Variants in BSG observed in about 807,000 individuals in gnomAD.
The protein encoded by BSG is basigin (Ok blood group).
In BSG, 37 loss-of-function variants were observed where a neutral mutation model predicts 43.1. The ratio of observed to expected loss-of-function variants is 0.86; its 90% CI spans 0.66 to 1.13. The LOEUF (loss-of-function observed/expected upper bound fraction) is 1.13. Ranked by LOEUF, BSG falls within the 50% of genes most tolerant of loss-of-function variation. The pLI is 0.00. For synonymous variants in BSG, 309 were observed against 238.7 expected (o/e 1.29, Z -2.72); for missense variants, 599 against 554.2 (o/e 1.08, Z -0.81).
intron 1 of BSG, among the ~76,000 whole-genome samples, chr19:576,588 C>T (rs539374722): frequency 6.6e-6 from 1 of 152,110 alleles, no homozygotes; most frequent in South Asian, 2.1e-4. Flanking sequence ...GGTGAAACCC[C>T]GTCTCTACTA....
At chr19:579,730 G>C (rs553131488) in intron 3 of BSG, 74 bp downstream of exon 3, 2 of 1,536,654 alleles carry the variant, frequency 1.3e-6, no homozygotes, top group Non-Finnish European at 1.7e-6. Flanking sequence ...CCTGTGGTCC[G>C]TGAGAACAAA....
In BSG at chr19:582,845, C is replaced by T. The variant is rs750682807; in HGVS notation, c.*101C>T. 35 of 546,364 alleles carry T rather than the reference C, an allele frequency of 6.4e-5. No homozygotes were observed. Among genetic ancestry groups the T allele is most frequent in the Non-Finnish European group, 9.7e-5 (30 of 309,042 alleles). The allele number at this position is 546,364 out of a possible 1,614,324, so 33.8% of individuals were successfully genotyped here. A position where few individuals can be genotyped will look rare whatever the true frequency, so the allele number is the denominator to read the frequency against. On this transcript the variant is annotated 3_prime_UTR_variant, in exon 9 of 9. Transcript: ENST00000333511. ...CCAAGTTCTCACCTCTTAAAGAAAA[C>T]CCACCCCGTAGATTCCCATCATACA...
In BSG at chr19:579,519, C is replaced by T. The variant is rs55713331; in HGVS notation, c.435C>T (p.Thr145=). The T allele has an allele frequency of 1.7e-3, 2,749 of 1,612,672 alleles. 67 individuals are homozygous for T. The South Asian group carries it at 0.028, about 16-fold the overall frequency. Reference sequence around the variant, plus strand: ...TTGCAGCCGGCACAGTCTTCACTACCGTAGAAGACCTTGGCTCCAAGATAC... The same window carrying T: ...TTGCAGCCGGCACAGTCTTCACTACTGTAGAAGACCTTGGCTCCAAGATAC... ...LVLEPGTVFT[T]VEDLGSKILL... The change falls in exon 3 of 9, where the codon ACC becomes ACT. Residue 145 remains threonine (T), a synonymous_variant. Coordinates refer to ENST00000333511, the MANE Select transcript of BSG (RefSeq NM_001728.4).
chr19:573,949 T>G (rs1981523720), intron 1 of BSG, among the ~76,000 whole-genome samples: 1 of 152,202 alleles, frequency 6.6e-6, no homozygotes, highest in African/African-American at 2.4e-5. Context: ...CCCCATTTGG[T>G]TCTGGGTTAA....
intron 3 of BSG, chr19:580,106 T>A (rs1229084772): frequency 4.2e-6 from 2 of 479,890 alleles, no homozygotes; most frequent in Non-Finnish European, 7.4e-6. Context: ...GGGAAGACGG[T>A]CACAGGGTGT....
At chr19:579,892 C>T in intron 3 of BSG, 2 of 602,160 alleles carry the variant, frequency 3.3e-6, no homozygotes, top group South Asian at 2.3e-5. Flanking sequence ...TTGCTCCTCA[C>T]TAGGTCCCGG....
chr19:578,969 A>G (rs1982027586), intron 2 of BSG: 1 of 453,678 alleles, frequency 2.2e-6, no homozygotes. Context: ...CGACCTCGAG[A>G]TCCACCCGCC....
rs773156168 is a variant in BSG at position 580,636 on chromosome 19, C to T, written c.656-10C>T. 1.9e-6 allele frequency: 3 copies of T among 1,612,614 alleles called. No individual in the cohort carries two copies. The highest frequency in any genetic ancestry group is 1.1e-5 in the South Asian group (1 of 91,086). On this transcript the variant is annotated splice_polypyrimidine_tract_variant and intron_variant, in intron 4 of 8. Transcript: ENST00000333511. ...CGGTTCCAGGCTCCTCTCTCTCACC[C>T]TCCTGTCAGGGCCTCCCAGAGTGAA...
In BSG at chr19:579,625, G is replaced by A; in HGVS notation, c.541G>A (p.Asp181Asn). ...GAAGGGGGGCGTGGTGCTGAAGGAG[G>A]ACGCGCTGCCCGGCCAGAAAACGGA... ...WLKGGVVLKE[D>N]ALPGQKTEFK... Residue 181 changes from aspartate to asparagine, a missense_variant, in exon 3 of 9, where the codon GAC becomes AAC. Asp to Asn is a conservative substitution (Grantham distance 23). Transcript: ENST00000333511. The A allele has an allele frequency of 6.2e-7, 1 of 1,611,964 alleles. No individual in the cohort carries two copies. Among genetic ancestry groups the A allele is most frequent in the Non-Finnish European group, 8.5e-7 (1 of 1,179,580 alleles).
At chr19:572,954 C>T (rs918564715) in intron 1 of BSG, among the ~76,000 whole-genome samples, 1 of 150,964 alleles carries the variant, frequency 6.6e-6, no homozygotes, top group Admixed American at 6.6e-5. Context: ...AGCCCGGCCT[C>T]TGTGTGTGGG....
chr19:572,670 G>T lies in BSG; in HGVS notation c.36G>T (p.Ala12=). 2.7e-6 allele frequency: 4 copies of T among 1,501,536 alleles called. No homozygotes were observed. Among genetic ancestry groups the T allele is most frequent in the Non-Finnish European group, 3.6e-6 (4 of 1,122,928 alleles). 93.0% of individuals were successfully genotyped at this position (1,501,536 alleles called of 1,614,324 possible). The change falls in exon 1 of 9, where the codon GCG becomes GCT. Residue 12 remains alanine, a synonymous_variant. Coordinates refer to ENST00000333511, the MANE Select transcript of BSG (RefSeq NM_001728.4). ...AAALFVLLGF[A]LLGTHGASGA... ...CGCTGTTCGTGCTGCTGGGATTCGCGCTGCTGGGCACCCACGGAGCCTCCG... is the reference window on the plus strand; with the variant it reads ...CGCTGTTCGTGCTGCTGGGATTCGCTCTGCTGGGCACCCACGGAGCCTCCG...
At chr19:582,474 T>A (rs1982411776) in intron 7 of BSG, 40 bp from the exon 8 acceptor site, 1 of 1,603,432 alleles carries the variant, frequency 6.2e-7, no homozygotes. Context: ...AGAGAGTGAC[T>A]TGCGGGGGAC....
intron 1 of BSG, 90 bp from the exon 2 acceptor site, chr19:577,684 C>T (rs768398363): frequency 3.1e-5 from 35 of 1,124,996 alleles, no homozygotes; most frequent in Non-Finnish European, 3.6e-5. Context: ...CCAGCCCTGG[C>T]TGGGAGTCCT....
chr19:578,114 C>A lies in BSG; in HGVS notation c.408C>A (p.Val136=). 1 of 1,569,816 alleles carries A rather than the reference C, an allele frequency of 6.4e-7. No individual in the cohort carries two copies. The highest frequency in any genetic ancestry group is 8.7e-7 in the Non-Finnish European group (1 of 1,153,522). ...KWVRAQAVVL[V]LEPGTVFTTV... is the part of the protein sequence containing the mutation. ...TCCGCGCCCAGGCAGTCGTGCTAGTCCTGGAACGTGAGTGGCGGGCACCTC... is the reference window on the plus strand; with the variant it reads ...TCCGCGCCCAGGCAGTCGTGCTAGTACTGGAACGTGAGTGGCGGGCACCTC... The change falls in exon 2 of 9, where the codon GTC becomes GTA. Residue 136 remains valine (V), a synonymous_variant. Coordinates refer to ENST00000333511, the MANE Select transcript of BSG (RefSeq NM_001728.4).
chr19:580,395 C>T lies in BSG; in HGVS notation c.589C>T (p.Gln197Ter), dbSNP rs1261713674. The T allele has an allele frequency of 6.2e-7, 1 of 1,611,068 alleles. No individual in the cohort carries two copies. The highest frequency in any genetic ancestry group is 1.3e-5 in the African/African-American group (1 of 74,916). Reference protein sequence around the residue: ...KTEFKVDSDDQWGEYSCVFLP... With the variant: ...KTEFKVDSDD ...TGGTTGCAGGGTGGACTCCGACGAC[C>T]AGTGGGGAGAGTACTCCTGCGTCTT... The change falls in exon 4 of 9, where the codon CAG (glutamine) becomes TAG (stop). Residue 197 changes from glutamine to a stop codon, truncating the protein, a stop_gained. Coordinates refer to ENST00000333511, the MANE Select transcript of BSG (RefSeq NM_001728.4). LOFTEE classifies it high-confidence loss of function.
chr19:580,229 C>T (rs1161823476), intron 3 of BSG, 150 bp from the exon 4 acceptor site: 9 of 668,860 alleles, frequency 1.3e-5, no homozygotes, highest in South Asian at 5.6e-5. Context: ...TGGGGCCGCA[C>T]GGGGACCCCA....
intron 2 of BSG, 34 bp downstream of exon 2, chr19:578,155 C>G (rs1568350473): frequency 1.7e-5 from 25 of 1,493,882 alleles, no homozygotes; most frequent in Non-Finnish European, 2.2e-5. Context: ...CCGCCTCCCT[C>G]AGTTTCCCTC....
upstream of BSG, chr19:571,304 C>G (rs553928867): frequency 2.4e-5 from 14 of 586,684 alleles, no homozygotes; most frequent in African/African-American, 1.5e-4. Context: ...ATTCCTGCCC[C>G]TTTCCAGTTA....
rs776568185 is a variant in BSG at position 579,706 on chromosome 19, CTTG to C, written c.572+51_572+53del. The C allele has an allele frequency of 4.5e-6, 7 of 1,561,258 alleles. No homozygotes were observed. The East Asian group carries it at 1.6e-4, about 35-fold the overall frequency. ...GCCACCTGCCCCTTCTCACGGCTCT[CTTG>C]CCGCCAGCGGCCTGTGGTCCGTGAG... On this transcript the variant is annotated intron_variant, in intron 3 of 8. Transcript: ENST00000333511.
Sources: gnomAD v4.1 joint callset for allele counts (sites outside exome capture counted in the v4.1 genomes callset) on GRCh38, gnomAD v4.1.1 for gene constraint, MANE v1.5 for transcripts, NCBI Gene and HGNC (gene_info 2026-07-23, HGNC 2026-07-21) for gene names.